The following DNAJC15 variants were observed in gnomAD, a reference collection of about 807,000 sequenced individuals.
The protein encoded by DNAJC15 is DnaJ heat shock protein family (Hsp40) member C15, also known as dnaJ homolog subfamily C member 15.
DNAJC15 carries 27 observed loss-of-function variants against 22.4 expected under a neutral mutation model. The ratio of observed to expected loss-of-function variants is 1.20; its 90% CI spans 0.89 to 1.66. DNAJC15 has a LOEUF of 1.66. DNAJC15 is among the 40% of genes most tolerant of loss of function. The pLI is 0.00. For synonymous variants in DNAJC15, 79 were observed against 63.2 expected (o/e 1.25, Z -1.19); for missense variants, 208 against 187.1 (o/e 1.11, Z -0.65).
At chr13:43,063,538 TG>T (rs2040569330) in intron 1 of DNAJC15, among the ~76,000 whole-genome samples, 1 of 152,244 alleles carries the variant, frequency 6.6e-6, no homozygotes, top group East Asian at 1.9e-4. Context: ...CTGTTGTTAT[TG>T]TTAGTATTCT....
rs554503867 is a variant in DNAJC15, at chr13:43,089,726, G to T, written c.382+3888G>T. 1.2e-4 allele frequency among the ~76,000 whole-genome samples: 19 copies of T among 152,334 alleles called. No individual in the cohort carries two copies. The East Asian group carries it at 2.7e-3, about 22-fold the overall frequency. On this transcript the variant is annotated intron_variant, in intron 5 of 5. Transcript: ENST00000379221. ...AACTTTGTTCCAAATGCAAAGGGAA[G>T]TTACTGTTAACTTTTAAACAGTAGA...
intron 5 of DNAJC15, among the ~76,000 whole-genome samples, chr13:43,104,810 T>C (rs1349218933): frequency 2.7e-5 from 4 of 150,392 alleles, no homozygotes; most frequent in Non-Finnish European, 5.9e-5. Context: ...CACCTCAGCC[T>C]CTCCAGTAGT....
intron 1 of DNAJC15, among the ~76,000 whole-genome samples, chr13:43,052,604 C>T (rs2040510571): frequency 6.6e-6 from 1 of 152,058 alleles, no homozygotes; most frequent in Non-Finnish European, 1.5e-5. Flanking sequence ...TTAGTAGAGA[C>T]AGGGTTTCAC....
intron 1 of DNAJC15, among the ~76,000 whole-genome samples, chr13:43,045,064 T>G (rs1311369573): frequency 6.6e-6 from 1 of 152,178 alleles, no homozygotes; most frequent in African/African-American, 2.4e-5. Flanking sequence ...AGGCCCAGCA[T>G]GATCTGCTCC....
intron 4 of DNAJC15, among the ~76,000 whole-genome samples, chr13:43,085,178 A>G (rs973119341): frequency 6.6e-6 from 1 of 152,130 alleles, no homozygotes; most frequent in East Asian, 1.9e-4. Flanking sequence ...CCTGGACAAC[A>G]TGATGAAACC....
At chr13:43,037,138 G>C (rs749083189) in intron 1 of DNAJC15, among the ~76,000 whole-genome samples, 1 of 152,228 alleles carries the variant, frequency 6.6e-6, no homozygotes, top group Non-Finnish European at 1.5e-5. Flanking sequence ...ACATCCTTGT[G>C]GGGGCCGCTC....
At chr13:43,033,806 A>G (rs2040414628) in intron 1 of DNAJC15, among the ~76,000 whole-genome samples, 3 of 152,100 alleles carry the variant, frequency 2.0e-5, no homozygotes, top group Admixed American at 6.6e-5. Flanking sequence ...AGGTGGGTAG[A>G]TAACTTGAGG....
chr13:43,056,554 TAGTTTA>T (rs943673789), intron 1 of DNAJC15, among the ~76,000 whole-genome samples: 7 of 152,232 alleles, frequency 4.6e-5, no homozygotes, highest in African/African-American at 1.7e-4. Flanking sequence ...TTCTAGGGTA[TAGTTTA>T]AGTCCACTGT....
rs1004137760 is a variant in DNAJC15, at chr13:43,109,226, T to C, written c.*1978T>C. On this transcript the variant is annotated 3_prime_UTR_variant, in exon 6 of 6. Coordinates refer to ENST00000379221, the MANE Select transcript of DNAJC15 (RefSeq NM_013238.3). Reference sequence around the variant, plus strand: ...GGTACATAACTATAGGGGCTATAGCTTGGTACCTTGTGAAGCAACTCTTGG... The same window carrying C: ...GGTACATAACTATAGGGGCTATAGCCTGGTACCTTGTGAAGCAACTCTTGG... The C allele has an allele frequency of 1.3e-5, 2 of 152,216 alleles. No homozygotes were observed. The highest frequency in any genetic ancestry group is 1.3e-4 in the Admixed American group (2 of 15,282). 9.4% of individuals were successfully genotyped at this position (152,216 alleles called of 1,614,324 possible).
At chr13:43,054,595 A>T (rs539185053) in intron 1 of DNAJC15, among the ~76,000 whole-genome samples, 1 of 151,934 alleles carries the variant, frequency 6.6e-6, no homozygotes, top group African/African-American at 2.4e-5. Flanking sequence ...TGTTATTGGT[A>T]TGTTCTGAGT....
At chr13:43,094,578 A>G (rs372437157) in intron 5 of DNAJC15, among the ~76,000 whole-genome samples, 1 of 152,180 alleles carries the variant, frequency 6.6e-6, no homozygotes, top group African/African-American at 2.4e-5. Flanking sequence ...TGAAACTTCC[A>G]AAAACTTTAC....
chr13:43,085,168 C>T (rs577669428), intron 4 of DNAJC15, among the ~76,000 whole-genome samples: 6 of 152,176 alleles, frequency 3.9e-5, no homozygotes, highest in Admixed American at 2.6e-4. Context: ...TCGAGACCAG[C>T]CTGGACAACA....
In DNAJC15 at chr13:43,110,857, C is replaced by G. The variant is rs2040821418; in HGVS notation, c.*3609C>G. ...ACCAGCCACACCCTCCCCCCAACTC[C>G]TTATCTGTAAAAAGCTTATTTGAGT... On this transcript the variant is annotated 3_prime_UTR_variant, in exon 6 of 6. Transcript: ENST00000379221. 6.6e-6 allele frequency: 1 copy of G among 152,214 alleles called. No individual in the cohort carries two copies. 9.4% of individuals were successfully genotyped at this position (152,214 alleles called of 1,614,324 possible).
At chr13:43,056,288 A>G (rs1239503746) in intron 1 of DNAJC15, among the ~76,000 whole-genome samples, 1 of 151,802 alleles carries the variant, frequency 6.6e-6, no homozygotes, top group Non-Finnish European at 1.5e-5. Flanking sequence ...ACAGGCATGC[A>G]CCACCACGCC....
At chr13:43,096,496 C>G (rs1025714315) in intron 5 of DNAJC15, among the ~76,000 whole-genome samples, 1 of 152,088 alleles carries the variant, frequency 6.6e-6, no homozygotes, top group African/African-American at 2.4e-5. Context: ...GGAAATTGAA[C>G]AGGATCATGA....
intron 4 of DNAJC15, among the ~76,000 whole-genome samples, chr13:43,084,851 T>C (rs987125193): frequency 6.8e-6 from 1 of 146,514 alleles, no homozygotes; most frequent in African/African-American, 2.6e-5. Context: ...GCTAAATAAC[T>C]ATGAGACATA....
intron 5 of DNAJC15, among the ~76,000 whole-genome samples, chr13:43,105,593 A>G (rs2040792713): frequency 6.6e-6 from 1 of 152,164 alleles, no homozygotes; most frequent in Admixed American, 6.5e-5. Context: ...AATAAGTATA[A>G]TATTTAATAA....
Position 43,065,736 on chromosome 13 carries a change from A to T in DNAJC15, c.159A>T (p.Ala53=). 6.2e-7 allele frequency: 1 copy of T among 1,613,124 alleles called. No homozygotes were observed. Among genetic ancestry groups the T allele is most frequent in the Non-Finnish European group, 8.5e-7 (1 of 1,179,574 alleles). ...VGLGVAALAF[A]GRYAFRIWKP... ...TGGGTGTTGCAGCTCTTGCATTTGC[A>T]GGTAAGATAAAGAATACATACCAAT... is the stretch of plus-strand genomic sequence containing the variant. The change falls in exon 2 of 6, where the codon GCA becomes GCT. Residue 53 remains alanine, a splice_region_variant and synonymous_variant. Transcript: ENST00000379221.
chr13:43,061,507 GAAGAGTTTTTATTA>G (rs2040558699), intron 1 of DNAJC15, among the ~76,000 whole-genome samples: 1 of 152,196 alleles, frequency 6.6e-6, no homozygotes, highest in Non-Finnish European at 1.5e-5. Flanking sequence ...GCAGCTTTGA[GAAGAGTTTTTATTA>G]AAGAGGCATT....
Sources: allele counts gnomAD v4.1 joint callset (sites outside exome capture counted in the v4.1 genomes callset), GRCh38; gene constraint gnomAD v4.1.1; transcripts MANE v1.5; gene names NCBI Gene and HGNC (gene_info 2026-07-23, HGNC 2026-07-21).